Variants in NCKAP5 observed in about 807,000 individuals in gnomAD.
NCKAP5 encodes the protein NCK associated protein 5.
In NCKAP5, 92 loss-of-function variants were observed where a neutral mutation model predicts 167.0. The ratio of observed to expected loss-of-function variants is 0.55; its 90% confidence interval spans 0.47 to 0.66. The LOEUF is 0.66. Ranked by LOEUF, NCKAP5 falls within the 30% of genes least tolerant of loss-of-function variation. The probability of loss-of-function intolerance (pLI) is 0.00; values close to 1 mark genes in which losing one functional copy is unlikely to be tolerated. For missense variants in NCKAP5, 2,378 were observed against 2,315.0 expected (o/e 1.03, Z -0.56); for synonymous variants, 891 against 877.4 (o/e 1.02, Z -0.27).
intron 4 of NCKAP5, among the ~76,000 whole-genome samples, chr2:133,274,973 TAAAC>T (rs2089667826): frequency 6.7e-6 from 1 of 149,298 alleles, no homozygotes; most frequent in African/African-American, 2.5e-5. Context: ...AAAAAAACCA[TAAAC>T]AAAATGAAAA....
At chr2:132,864,956 G>A (rs1558873773) in intron 10 of NCKAP5, among the ~76,000 whole-genome samples, 1 of 152,060 alleles carries the variant, frequency 6.6e-6, no homozygotes, top group Admixed American at 6.5e-5. Context: ...TTGGGCTTCT[G>A]TTCAAAACAC....
intron 6 of NCKAP5, among the ~76,000 whole-genome samples, chr2:133,031,455 G>A (rs2078876276): frequency 6.6e-6 from 1 of 152,222 alleles, no homozygotes; most frequent in African/African-American, 2.4e-5. Context: ...TGGAACTTGA[G>A]TGCCTGCAAA....
intron 6 of NCKAP5, among the ~76,000 whole-genome samples, chr2:133,113,032 T>C (rs2081965700): frequency 6.6e-6 from 1 of 152,162 alleles, no homozygotes; most frequent in Admixed American, 6.5e-5. Context: ...AGCTGCTCCA[T>C]GGGATGAAAC....
At chr2:133,215,098 G>A (rs543866386) in intron 4 of NCKAP5, among the ~76,000 whole-genome samples, 31 of 152,294 alleles carry the variant, frequency 2.0e-4, no homozygotes, top group Middle Eastern at 6.8e-3. Context: ...AGTTTTGGGA[G>A]CCTGTGGCAG....
chr2:132,892,346 C>T (rs1394876037), intron 8 of NCKAP5, among the ~76,000 whole-genome samples: 3 of 152,084 alleles, frequency 2.0e-5, no homozygotes, highest in Non-Finnish European at 4.4e-5. Context: ...ACGTATTTTC[C>T]AATTATGAGA....
rs1465697355 is a variant in NCKAP5, at chr2:132,818,139, G to A, written c.808-21410C>T. 5.3e-5 allele frequency among the ~76,000 whole-genome samples: 8 copies of A among 152,172 alleles called. No homozygotes were observed. In the South Asian group the frequency reaches 6.2e-4, roughly 12 times the overall value. The stretch of plus-strand genomic sequence containing the variant: ...ATTTTTGTGTTTTTTGTAGAGATGC[G>A]GTTTCGCCATGTTGCCCAGGCTGGT... On this transcript the variant is annotated intron_variant, in intron 11 of 19. Transcript: ENST00000409261.
intron 5 of NCKAP5, among the ~76,000 whole-genome samples, chr2:133,166,406 T>A (rs2149967810): frequency 6.6e-6 from 1 of 152,364 alleles, no homozygotes; most frequent in African/African-American, 2.4e-5. Context: ...AACATTTAAA[T>A]GGATGCATTA....
intron 3 of NCKAP5, among the ~76,000 whole-genome samples, chr2:133,304,749 G>A (rs1680653478): frequency 6.6e-6 from 1 of 152,228 alleles, no homozygotes. Flanking sequence ...GCGAAGAGCT[G>A]TTCTAAGTGC....
chr2:132,765,584 G>A (rs958731611), intron 16 of NCKAP5, among the ~76,000 whole-genome samples: 6 of 107,792 alleles, frequency 5.6e-5, no homozygotes, highest in Non-Finnish European at 5.7e-5. Flanking sequence ...ATGAGCCACC[G>A]TGCCCGGCCT....
At chr2:133,608,169 A>T in the NCKAP5 span, among the ~76,000 whole-genome samples, 1 of 152,306 alleles carries the variant, frequency 6.6e-6, no homozygotes, top group East Asian at 1.9e-4. Context: ...AAATGGTGCA[A>T]CTGGAAATAA....
Position 132,823,642 on chromosome 2 carries a change from T to C in NCKAP5, c.808-26913A>G, listed in dbSNP as rs553140596. On this transcript the variant is annotated intron_variant, in intron 11 of 19. Coordinates refer to ENST00000409261, the MANE Select transcript of NCKAP5 (RefSeq NM_207363.3). ...CAGGGCCTATAAAACAATAACACAA[T>C]GGAAAAAAAACCCAAGGTATTAAGG... Among the ~76,000 whole-genome samples the C allele has an allele frequency of 5.9e-5, 9 of 151,366 alleles. No homozygotes were observed. The East Asian group carries it at 1.6e-3, about 26-fold the overall frequency.
intron 3 of NCKAP5, among the ~76,000 whole-genome samples, chr2:133,333,153 C>A (rs1356149795): frequency 1.3e-5 from 2 of 152,172 alleles, no homozygotes; most frequent in African/African-American, 4.8e-5. Context: ...AGAATTAGTT[C>A]AGAAGTGCAC....
At chr2:133,063,985 C>T (rs1035236025) in intron 6 of NCKAP5, among the ~76,000 whole-genome samples, 1 of 152,168 alleles carries the variant, frequency 6.6e-6, no homozygotes, top group Admixed American at 6.5e-5. Context: ...GGTGCTGCAA[C>T]CCTCCAAAAC....
At chr2:132,961,992 C>T (rs575094506) in intron 8 of NCKAP5, among the ~76,000 whole-genome samples, 5 of 152,250 alleles carry the variant, frequency 3.3e-5, no homozygotes, top group East Asian at 3.9e-4. Context: ...TAAAAAATGA[C>T]GAAAGAATGA....
intron 8 of NCKAP5, among the ~76,000 whole-genome samples, chr2:132,959,540 G>A (rs915347625): frequency 2.6e-5 from 4 of 152,152 alleles, no homozygotes; most frequent in Non-Finnish European, 5.9e-5. Flanking sequence ...TCCCTGAGTG[G>A]AGAGAAGGGC....
chr2:133,460,061 G>C (rs1692107861), intron 3 of NCKAP5, among the ~76,000 whole-genome samples: 1 of 152,156 alleles, frequency 6.6e-6, no homozygotes. Context: ...GGTGCTATTT[G>C]TGACTAATGC....
intron 6 of NCKAP5, among the ~76,000 whole-genome samples, chr2:133,103,166 T>G (rs2081574463): frequency 6.6e-6 from 1 of 152,230 alleles, no homozygotes; most frequent in Non-Finnish European, 1.5e-5. Context: ...CTTCCATCAC[T>G]TTTCTACATG....
chr2:132,971,414 T>C (rs1336463501), intron 7 of NCKAP5, among the ~76,000 whole-genome samples: 1 of 152,152 alleles, frequency 6.6e-6, no homozygotes, highest in Non-Finnish European at 1.5e-5. Context: ...GCTAGGCCAC[T>C]TGTCAAGGAG....
At chr2:133,548,555 C>A (rs369617972) in intron 2 of NCKAP5, among the ~76,000 whole-genome samples, 1 of 151,072 alleles carries the variant, frequency 6.6e-6, no homozygotes, top group Non-Finnish European at 1.5e-5. Flanking sequence ...CAAGCCAGAA[C>A]AGAGTGGGGG....
Sources: gnomAD v4.1 joint callset for allele counts (sites outside exome capture counted in the v4.1 genomes callset) on GRCh38, gnomAD v4.1.1 for gene constraint, MANE v1.5 for transcripts, NCBI Gene and HGNC (gene_info 2026-07-23, HGNC 2026-07-21) for gene names.